The following CLEC16A variants were observed in gnomAD, a reference collection of about 807,000 sequenced individuals.
CLEC16A encodes the protein protein CLEC16A.
A neutral mutation model predicts 109.5 loss-of-function variants in CLEC16A; 51 were observed. The ratio of observed to expected loss-of-function variants is 0.47; its 90% CI spans 0.37 to 0.59. CLEC16A has a LOEUF of 0.59. Among genes scored for constraint, CLEC16A ranks in the 20% least tolerant of loss-of-function variants. CLEC16A has a pLI of 0.00. For synonymous variants in CLEC16A, 673 were observed against 564.2 expected (o/e 1.19, Z -2.73); for missense variants, 1,339 against 1,394.0 (o/e 0.96, Z 0.63).
chr16:11,026,515 T>C (rs1027753996), intron 13 of CLEC16A, among the ~76,000 whole-genome samples: 2 of 152,282 alleles, frequency 1.3e-5, no homozygotes, highest in East Asian at 1.9e-4. Flanking sequence ...CTCTGATTGA[T>C]GGTATTGATA....
At chr16:10,990,258 G>A (rs1188207141) in intron 10 of CLEC16A, among the ~76,000 whole-genome samples, 6 of 152,192 alleles carry the variant, frequency 3.9e-5, no homozygotes, top group Non-Finnish European at 2.9e-5. Flanking sequence ...GCTCTGAGGT[G>A]CCATTCTTGC....
intron 19 of CLEC16A, among the ~76,000 whole-genome samples, chr16:11,062,458 C>T (rs888158089): frequency 6.6e-6 from 1 of 152,090 alleles, no homozygotes; most frequent in Non-Finnish European, 1.5e-5. Flanking sequence ...TCCTGTAAAA[C>T]GAGATGGTCT....
At position 11,178,657 on chromosome 16, in the gene CLEC16A, A is replaced by G. The variant is rs755332838; in HGVS notation, c.3129A>G (p.Ala1043=). The stretch of plus-strand genomic sequence containing the variant: ...CAGAGCCCGTGGGCGAAGAGGCTGC[A>G]TGTGCTGAGCCTGTGGGCACCGCTG... ...ACTEPVGEEA[A]CAEPVGTAED Residue 1043 remains alanine (A), a synonymous_variant, in exon 24 of 24, where the codon GCA becomes GCG. Coordinates refer to ENST00000409790, the MANE Select transcript of CLEC16A (RefSeq NM_015226.3). The surrounding 1 kb of genome is among the most constrained non-coding windows in gnomAD (Gnocchi z 6.5). 25 of 1,554,248 alleles carry G rather than the reference A, an allele frequency of 1.6e-5. No individual in the cohort carries two copies. The Admixed American group carries it at 4.3e-4, about 27-fold the overall frequency.
intron 19 of CLEC16A, among the ~76,000 whole-genome samples, chr16:11,074,872 A>G (rs2049262378): frequency 6.6e-6 from 1 of 152,142 alleles, no homozygotes; most frequent in South Asian, 2.1e-4. Context: ...TTTTTTGCCT[A>G]TTAAAATTAT....
At chr16:11,102,655 C>T (rs1259473317) in intron 19 of CLEC16A, among the ~76,000 whole-genome samples, 1 of 152,210 alleles carries the variant, frequency 6.6e-6, no homozygotes, top group African/African-American at 2.4e-5. Context: ...AGGTCGGTTG[C>T]CCTGACTGAG....
At chr16:11,155,405 A>G (rs989508945) in intron 22 of CLEC16A, among the ~76,000 whole-genome samples, 8 of 152,202 alleles carry the variant, frequency 5.3e-5, no homozygotes, top group Admixed American at 5.2e-4. Flanking sequence ...TAGCCAGAGT[A>G]AAAGTGACAA....
intron 4 of CLEC16A, among the ~76,000 whole-genome samples, chr16:10,970,760 G>T (rs7203209): frequency 0.42 from 64,159 of 151,890 alleles, 15,861 homozygotes; most frequent in African/African-American, 0.7. Flanking sequence ...CTTTTTTCTT[G>T]TTTTGAGACA....
intron 13 of CLEC16A, among the ~76,000 whole-genome samples, chr16:11,028,771 T>C (rs2152822584): frequency 6.6e-6 from 1 of 152,338 alleles, no homozygotes; most frequent in East Asian, 1.9e-4. Flanking sequence ...CTCAGGCTAT[T>C]CCCTTTCCAG....
In CLEC16A at chr16:11,174,351, C is replaced by A; in HGVS notation, c.2807-3984C>A. ...CTGCATTTCCACAGTCGGCAGGGTC[C>A]GCGCTGGCAAGGTGGGCCAAGCTGG... On this transcript the variant is annotated intron_variant, in intron 23 of 23. Transcript: ENST00000409790. This position sits in a 1 kb window ranked among gnomAD's most constrained non-coding sequence, Gnocchi z 4.7. The A allele has an allele frequency of 2.5e-6, 1 of 401,006 alleles. No individual in the cohort carries two copies. 24.8% of individuals were successfully genotyped at this position (401,006 alleles called of 1,614,324 possible).
chr16:11,011,233 TA>T (rs1474595263), intron 11 of CLEC16A, among the ~76,000 whole-genome samples: 1 of 152,234 alleles, frequency 6.6e-6, no homozygotes, highest in African/African-American at 2.4e-5. Context: ...GTCACTATCG[TA>T]ATGGGCAGGA....
chr16:10,964,391 G>A (rs1943170752), intron 3 of CLEC16A, among the ~76,000 whole-genome samples: 1 of 152,266 alleles, frequency 6.6e-6, no homozygotes, highest in African/African-American at 2.4e-5. Context: ...GACTCAGACT[G>A]AACCAGGTCC....
intron 18 of CLEC16A, among the ~76,000 whole-genome samples, chr16:11,060,074 G>A (rs566294110): frequency 7.9e-5 from 12 of 152,318 alleles, no homozygotes; most frequent in African/African-American, 2.6e-4. Flanking sequence ...ACACGGCTCC[G>A]ACTGCTGGGA....
intron 10 of CLEC16A, among the ~76,000 whole-genome samples, chr16:10,996,230 C>G (rs8050144): frequency 0.67 from 101,367 of 152,170 alleles, 35,861 homozygotes; most frequent in African/African-American, 0.91. Context: ...GGCTGTGAGC[C>G]TGAAGAACCC....
chr16:11,105,516 GAC>G (rs2051164170), intron 19 of CLEC16A, among the ~76,000 whole-genome samples: 1 of 152,168 alleles, frequency 6.6e-6, no homozygotes, highest in Non-Finnish European at 1.5e-5. Context: ...GAAAGATGAA[GAC>G]ACACAACTGG....
chr16:10,979,437 C>T (rs2043200017), intron 9 of CLEC16A, 55 bp downstream of exon 9: 1 of 1,519,352 alleles, frequency 6.6e-7, no homozygotes, highest in Non-Finnish European at 9.0e-7. Flanking sequence ...CTTGGCGTGC[C>T]ACTGCCTTGA....
intron 19 of CLEC16A, among the ~76,000 whole-genome samples, chr16:11,114,159 G>GTGTGTGTA (rs1433363278): frequency 6.6e-6 from 1 of 151,360 alleles, no homozygotes; most frequent in African/African-American, 2.4e-5. Context: ...GTGTGTGTGT[G>GTGTGTGTA]TGTGTGTGTG....
At chr16:10,967,951 C>T (rs192907865) in intron 3 of CLEC16A, among the ~76,000 whole-genome samples, 111 of 152,362 alleles carry the variant, frequency 7.3e-4, no homozygotes, top group African/African-American at 9.4e-4. Context: ...GGCGCAGGGC[C>T]GGGGCCCAAG....
chr16:11,152,997 C>T (rs1447556749), intron 22 of CLEC16A, among the ~76,000 whole-genome samples: 4 of 152,174 alleles, frequency 2.6e-5, no homozygotes, highest in Non-Finnish European at 4.4e-5. Flanking sequence ...CTCCACTCCA[C>T]CCCGACCCCG....
chr16:10,991,252 A>G (rs2043987941), intron 10 of CLEC16A, among the ~76,000 whole-genome samples: 1 of 151,960 alleles, frequency 6.6e-6, no homozygotes, highest in Non-Finnish European at 1.5e-5. Context: ...CTTGTTGGGA[A>G]GGTGAGGTGG....
Sources: allele counts gnomAD v4.1 joint callset (sites outside exome capture counted in the v4.1 genomes callset), GRCh38; gene constraint gnomAD v4.1.1; non-coding constraint Gnocchi (gnomAD v3.1); transcripts MANE v1.5; gene names NCBI Gene and HGNC (gene_info 2026-07-23, HGNC 2026-07-21).